Variants in PIEZO1 observed in about 807,000 individuals in gnomAD.
PIEZO1 encodes the protein piezo-type mechanosensitive ion channel component 1.
Under a neutral mutation model 297.2 loss-of-function variants are expected in PIEZO1, and 296 were observed. The ratio of observed to expected loss-of-function variants is 1.00; its 90% CI spans 0.91 to 1.10. The LOEUF is 1.10. Ranked by LOEUF, PIEZO1 falls within the 50% of genes least tolerant of loss-of-function variation. The probability of loss-of-function intolerance (pLI) is 0.00; values close to 1 mark genes in which losing one functional copy is unlikely to be tolerated. For synonymous variants in PIEZO1, 2,427 were observed against 1,507.5 expected (o/e 1.61, Z -14.13); for missense variants, 5,018 against 3,455.5 (o/e 1.45, Z -11.34).
Position 88,726,326 on chromosome 16 carries a change from T to C in PIEZO1, c.3926A>G (p.His1309Arg). ...RRVFLSHYYL[H>R]VRADLQATAL... is the part of the protein sequence containing the mutation. ...GGTGGCCTGGAGGTCGGCCCTGACG[T>C]GCAGGTAGTAATGGCTAAGGAAGAC... The change falls in exon 27 of 51, where the codon CAC (histidine) becomes CGC (arginine). Residue 1309 changes from histidine to arginine, a missense_variant. Transcript: ENST00000301015. 1 of 1,550,300 alleles carries C rather than the reference T, an allele frequency of 6.5e-7. No homozygotes were observed. The highest frequency in any genetic ancestry group is 8.7e-7 in the Non-Finnish European group (1 of 1,146,920).
Position 88,722,288 on chromosome 16 carries a change from C to G in PIEZO1, c.4885G>C (p.Gly1629Arg), listed in dbSNP as rs533910472. 5 of 1,548,542 alleles carry G rather than the reference C, an allele frequency of 3.2e-6. No homozygotes were observed. The South Asian group carries it at 6.0e-5, about 18-fold the overall frequency. The change falls in exon 36 of 51, where the codon GGG (glycine) becomes CGG (arginine). Residue 1629 changes from glycine (G) to arginine (R), a missense_variant. By Grantham distance (125) the Gly-to-Arg change is moderately radical. Coordinates refer to ENST00000301015, the MANE Select transcript of PIEZO1 (RefSeq NM_001142864.4). ...AGAGAGGCACCAGCCTCACGCTCCC[C>G]GGGGTCGGTGACTGCCTCCTCACTG... is the stretch of plus-strand genomic sequence containing the variant. ...SGSEEAVTDP[G>R]EREAGASLYQ...
At chr16:88,745,250 G>A (rs1397909420) in intron 2 of PIEZO1, 1 of 152,240 alleles carries the variant, frequency 6.6e-6, no homozygotes, top group Admixed American at 6.5e-5. Context: ...AGCTCACAGT[G>A]GCCTTTCCAT....
intron 31 of PIEZO1, 115 bp from the exon 32 acceptor site, chr16:88,723,443 G>C: frequency 8.2e-7 from 1 of 1,213,754 alleles, no homozygotes; most frequent in South Asian, 1.4e-5. Flanking sequence ...TGTCTCCCAG[G>C]GACCTCCGTG....
rs373136525 is a variant in PIEZO1 at position 88,732,394 on chromosome 16, C to G, written c.2932G>C (p.Asp978His). ...ASGTRQQLDQ[D>H]LLGCLKYFIN... ...AAGTACTTGAGGCAGCCGAGCAGAT[C>G]CTGGTCCAGCTGCTGGCGGGTGCCG... Residue 978 changes from aspartate to histidine, a missense_variant, in exon 21 of 51, where the codon GAT (aspartate) becomes CAT (histidine). Asp to His is a moderately conservative substitution (Grantham distance 81, BLOSUM62 -1). Coordinates refer to ENST00000301015, the MANE Select transcript of PIEZO1 (RefSeq NM_001142864.4). 5.1e-5 allele frequency: 79 copies of G among 1,549,826 alleles called. No individual in the cohort carries two copies. In the South Asian group the frequency reaches 8.9e-4, roughly 18 times the overall value.
chr16:88,774,848 C>G (rs28407820), intron 1 of PIEZO1, among the ~76,000 whole-genome samples: 1 of 152,228 alleles, frequency 6.6e-6, no homozygotes, highest in East Asian at 1.9e-4. Context: ...TCAGCACAGC[C>G]TCCTGGGCGC....
chr16:88,766,235 A>C (rs970276996), intron 1 of PIEZO1, among the ~76,000 whole-genome samples: 3 of 152,318 alleles, frequency 2.0e-5, no homozygotes, highest in African/African-American at 7.2e-5. Context: ...GGCCTCATCC[A>C]ATCAGCTGAA....
rs752246983 is a variant in PIEZO1, at chr16:88,737,786, G to C, written c.1049C>G (p.Ala350Gly). Residue 350 changes from alanine to glycine, a missense_variant, in exon 9 of 51, where the codon GCT (alanine) becomes GGT (glycine). Ala to Gly is a moderately conservative substitution (Grantham distance 60, BLOSUM62 0). Coordinates refer to ENST00000301015, the MANE Select transcript of PIEZO1 (RefSeq NM_001142864.4). The stretch of plus-strand genomic sequence containing the variant: ...CAGCTCTGCTAGCTCCAGCTCCCGA[G>C]CCTCATACCCCTTTGCCGCCTCCTT... ...QRKEAAKGYE[A>G]RELELAELDQ... 1.8e-5 allele frequency: 27 copies of C among 1,535,692 alleles called. No individual in the cohort carries two copies. Among genetic ancestry groups the C allele is most frequent in the Non-Finnish European group, 2.4e-5 (27 of 1,146,726 alleles).
rs1389308555 is a variant in PIEZO1, at chr16:88,733,681, G to C, written c.2394C>G (p.Val798=). The change falls in exon 18 of 51, where the codon GTC becomes GTG. Residue 798 remains valine (V), a synonymous_variant. Coordinates refer to ENST00000301015, the MANE Select transcript of PIEZO1 (RefSeq NM_001142864.4). The part of the protein sequence containing the change: ...LLELAAGFSD[V]LSRVQVFLRR... The stretch of plus-strand genomic sequence containing the variant: ...GCAGGAACACCTGCACGCGTGAGAG[G>C]ACGTCCGAGAAGCCGGCTGCCAGCT... 6.5e-7 allele frequency: 1 copy of C among 1,549,572 alleles called. No individual in the cohort carries two copies. Among genetic ancestry groups the C allele is most frequent in the African/African-American group, 1.4e-5 (1 of 73,144 alleles).
At chr16:88,731,385 G>A in intron 22 of PIEZO1, 1 of 339,222 alleles carries the variant, frequency 2.9e-6, no homozygotes, top group Non-Finnish European at 5.5e-6. Context: ...AGGCATCACG[G>A]CCGACCCGCA....
At position 88,781,477 on chromosome 16, in the gene PIEZO1, C is replaced by G. The variant is rs370817052; in HGVS notation, c.64+3424G>C. On this transcript the variant is annotated intron_variant, in intron 1 of 50. Coordinates refer to ENST00000301015, the MANE Select transcript of PIEZO1 (RefSeq NM_001142864.4). ...ACCTGCAGCCCTTGGTGCTGTGAGGCAGGCCCCAGGCTCTCCTGCTGACTC... is the reference window on the plus strand; with the variant it reads ...ACCTGCAGCCCTTGGTGCTGTGAGGGAGGCCCCAGGCTCTCCTGCTGACTC... Among the ~76,000 whole-genome samples, 3 of 152,372 alleles carry G rather than the reference C, an allele frequency of 2.0e-5. No homozygotes were observed. In the South Asian group the frequency reaches 6.2e-4, roughly 32 times the overall value.
chr16:88,730,580 A>G (rs899319325), intron 22 of PIEZO1, among the ~76,000 whole-genome samples: 2 of 141,310 alleles, frequency 1.4e-5, no homozygotes, highest in Non-Finnish European at 1.5e-5. Context: ...CCTGGGTGAC[A>G]GAGCAAGACT....
intron 1 of PIEZO1, among the ~76,000 whole-genome samples, chr16:88,776,925 G>A (rs896277849): frequency 1.3e-5 from 2 of 152,200 alleles, no homozygotes; most frequent in South Asian, 4.1e-4. Flanking sequence ...TTCTTGGCAG[G>A]GACTAGAAGG....
intron 1 of PIEZO1, among the ~76,000 whole-genome samples, chr16:88,784,404 G>A (rs1908079188): frequency 6.6e-6 from 1 of 152,220 alleles, no homozygotes; most frequent in African/African-American, 2.4e-5. Flanking sequence ...ACGTTCGTTG[G>A]GCTCGGGAAG....
chr16:88,717,515 C>T (rs9938272), intron 44 of PIEZO1: 1 of 550,120 alleles, frequency 1.8e-6, no homozygotes, highest in Non-Finnish European at 3.5e-6. Context: ...ACTCCTGCCT[C>T]ATACCATGTG....
At chr16:88,723,054 C>G in intron 33 of PIEZO1, 41 bp downstream of exon 33, 1 of 1,544,652 alleles carries the variant, frequency 6.5e-7, no homozygotes, top group Non-Finnish European at 8.7e-7. Context: ...GCCTGTGGGG[C>G]CAAGAGAGAC....
At chr16:88,776,297 G>C (rs1194302955) in intron 1 of PIEZO1, among the ~76,000 whole-genome samples, 1 of 152,186 alleles carries the variant, frequency 6.6e-6, no homozygotes, top group Non-Finnish European at 1.5e-5. Context: ...AGCGGAGTGT[G>C]GTGGTGGGCG....
At chr16:88,733,232 G>C (rs1338387078) in intron 19 of PIEZO1, 46 bp downstream of exon 19, 2 of 1,509,628 alleles carry the variant, frequency 1.3e-6, no homozygotes, top group Non-Finnish European at 1.8e-6. Flanking sequence ...TGCGAATACA[G>C]AGTTGCCTGG....
rs764435951 is a variant in PIEZO1 at position 88,715,674 on chromosome 16, C to G, written c.7497G>C (p.Leu2499Phe). The G allele has an allele frequency of 2.6e-6, 4 of 1,550,362 alleles. No homozygotes were observed. The highest frequency in any genetic ancestry group is 3.5e-6 in the Non-Finnish European group (4 of 1,146,960). The change falls in exon 51 of 51, where the codon TTG (leucine) becomes TTC (phenylalanine). Residue 2499 changes from leucine to phenylalanine, a missense_variant. Physicochemically the swap from Leu to Phe is conservative, Grantham distance 22. Transcript: ENST00000301015. The part of the protein sequence containing the change: ...ETRELELEEE[L>F]YAKLIFLYRS... ...GGTAGAGGAAGATGAGCTTGGCGTA[C>G]AACTCCTCCTCCAGCTCCAGCTCCC...
rs1047823856 is a variant in PIEZO1 at position 88,749,546 on chromosome 16, G to A, written c.65-67C>T. ...GGCCAGCCCCACCCCAGAGGACAGC[G>A]CACCCACGGCCCAGCTCGTCACACC... On this transcript the variant is annotated intron_variant, in intron 1 of 50. Coordinates refer to ENST00000301015, the MANE Select transcript of PIEZO1 (RefSeq NM_001142864.4). 76 of 1,183,682 alleles carry A rather than the reference G, an allele frequency of 6.4e-5. No homozygotes were observed. In the Middle Eastern group the frequency reaches 8.2e-4, roughly 13 times the overall value. The allele number at this position is 1,183,682 out of a possible 1,614,324, so 73.3% of individuals were successfully genotyped here. A position where few individuals can be genotyped will look rare whatever the true frequency, so the allele number is the denominator to read the frequency against.
Sources: allele counts gnomAD v4.1 joint callset (sites outside exome capture counted in the v4.1 genomes callset), GRCh38; gene constraint gnomAD v4.1.1; transcripts MANE v1.5; gene names NCBI Gene and HGNC (gene_info 2026-07-23, HGNC 2026-07-21).